The following CLSTN2 variants were observed in gnomAD, a reference collection of about 807,000 sequenced individuals.
The protein encoded by CLSTN2 is calsyntenin-2.
Under a neutral mutation model 101.2 loss-of-function variants are expected in CLSTN2, and 48 were observed. That is an observed-to-expected ratio of 0.47 (90% CI 0.38 to 0.60). CLSTN2 has a LOEUF of 0.60. Among genes scored for constraint, CLSTN2 ranks in the 20% least tolerant of loss-of-function variants. The pLI is 0.00. For missense variants in CLSTN2, 1,160 were observed against 1,238.2 expected (o/e 0.94, Z 0.95); for synonymous variants, 481 against 463.6 (o/e 1.04, Z -0.48).
chr3:140,361,462 A>C (rs2087729194), intron 2 of CLSTN2, among the ~76,000 whole-genome samples: 1 of 152,212 alleles, frequency 6.6e-6, no homozygotes, highest in Non-Finnish European at 1.5e-5. Flanking sequence ...ATTCAACACT[A>C]AACTAGTGAT....
At chr3:140,325,925 T>C (rs959867706) in intron 2 of CLSTN2, among the ~76,000 whole-genome samples, 1 of 152,194 alleles carries the variant, frequency 6.6e-6, no homozygotes, top group African/African-American at 2.4e-5. Flanking sequence ...AGTCTACCCT[T>C]TCTGCAGAAA....
At chr3:140,344,896 G>A (rs549383621) in intron 2 of CLSTN2, among the ~76,000 whole-genome samples, 51 of 152,210 alleles carry the variant, frequency 3.4e-4, no homozygotes, top group African/African-American at 1.2e-3. Flanking sequence ...TGAGGGGATT[G>A]CGACTTCTCT....
At chr3:140,537,863 C>T (rs114247913) in intron 9 of CLSTN2, among the ~76,000 whole-genome samples, 1,733 of 152,258 alleles carry the variant, frequency 0.011, 38 homozygotes, top group African/African-American at 0.04. Flanking sequence ...GGTACTATAA[C>T]CCAGCTGTGC....
At chr3:140,115,574 T>A (rs537008562) in intron 1 of CLSTN2, among the ~76,000 whole-genome samples, 7 of 152,198 alleles carry the variant, frequency 4.6e-5, no homozygotes, top group Non-Finnish European at 8.8e-5. Flanking sequence ...CTGCTTCTGA[T>A]TAGATTTTCT....
intron 2 of CLSTN2, among the ~76,000 whole-genome samples, chr3:140,340,686 C>T (rs544691249): frequency 4.5e-4 from 69 of 152,274 alleles, no homozygotes; most frequent in South Asian, 3.7e-3. Context: ...GATATTTATA[C>T]GTTATTGATA....
At chr3:139,952,179 A>G (rs1413477604) in intron 1 of CLSTN2, among the ~76,000 whole-genome samples, 1 of 152,226 alleles carries the variant, frequency 6.6e-6, no homozygotes, top group African/African-American at 2.4e-5. Context: ...TTTCAGCCCA[A>G]CAGTAACTTC....
At chr3:140,053,087 T>C (rs541181291) in intron 1 of CLSTN2, among the ~76,000 whole-genome samples, 2 of 152,156 alleles carry the variant, frequency 1.3e-5, no homozygotes, top group East Asian at 3.9e-4. Flanking sequence ...CCCTTTGGGC[T>C]CCCTGTCATT....
At chr3:140,278,121 C>T (rs559467214) in intron 2 of CLSTN2, among the ~76,000 whole-genome samples, 15 of 152,186 alleles carry the variant, frequency 9.9e-5, no homozygotes, top group African/African-American at 9.7e-5. Flanking sequence ...AGGGGGCTTA[C>T]GCCTAAACTC....
intron 1 of CLSTN2, among the ~76,000 whole-genome samples, chr3:140,124,098 G>A (rs1449399490): frequency 6.6e-6 from 1 of 152,038 alleles, no homozygotes; most frequent in East Asian, 1.9e-4. Flanking sequence ...AGTAATGTAG[G>A]AAACAGTATG....
intron 9 of CLSTN2, among the ~76,000 whole-genome samples, chr3:140,533,770 A>G (rs936092514): frequency 6.6e-6 from 1 of 151,984 alleles, no homozygotes; most frequent in African/African-American, 2.4e-5. Flanking sequence ...CCATGAGTGA[A>G]CTAGGACTGA....
At chr3:140,080,687 T>C (rs1370884734) in intron 1 of CLSTN2, among the ~76,000 whole-genome samples, 1 of 152,178 alleles carries the variant, frequency 6.6e-6, no homozygotes, top group African/African-American at 2.4e-5. Context: ...CAGTTCAAGC[T>C]ATTTGGCTGT....
chr3:140,075,881 T>C (rs2008479115), intron 1 of CLSTN2, among the ~76,000 whole-genome samples: 1 of 152,064 alleles, frequency 6.6e-6, no homozygotes, highest in Non-Finnish European at 1.5e-5. Context: ...TCTCTTGCCC[T>C]GCAGGTATCT....
chr3:140,411,833 T>C (rs2088367406), intron 4 of CLSTN2, among the ~76,000 whole-genome samples: 1 of 152,204 alleles, frequency 6.6e-6, no homozygotes, highest in South Asian at 2.1e-4. Context: ...GCTTCAATGA[T>C]ACAACCATAG....
At chr3:140,305,097 A>C (rs890460441) in intron 2 of CLSTN2, among the ~76,000 whole-genome samples, 53 of 147,562 alleles carry the variant, frequency 3.6e-4, no homozygotes, top group African/African-American at 1.2e-3. Flanking sequence ...CTCTCTCTCT[A>C]TGGTGATACT....
At chr3:140,046,482 G>A (rs1265765821) in intron 1 of CLSTN2, among the ~76,000 whole-genome samples, 1 of 152,156 alleles carries the variant, frequency 6.6e-6, no homozygotes, top group Non-Finnish European at 1.5e-5. Context: ...GCCAGTCTGT[G>A]TCTTTTAATT....
chr3:140,543,147 AGTT>A (rs897027113), intron 9 of CLSTN2, among the ~76,000 whole-genome samples: 15 of 152,150 alleles, frequency 9.9e-5, no homozygotes, highest in Non-Finnish European at 1.8e-4. Flanking sequence ...AAATGATAGT[AGTT>A]GTTGTTGGAT....
At chr3:140,443,568 AATT>A (rs1346726851) in intron 5 of CLSTN2, among the ~76,000 whole-genome samples, 1 of 152,248 alleles carries the variant, frequency 6.6e-6, no homozygotes, top group African/African-American at 2.4e-5. Context: ...ATTTAGGCCC[AATT>A]ATTAAAACAG....
intron 8 of CLSTN2, among the ~76,000 whole-genome samples, chr3:140,484,332 A>C (rs532392405): frequency 7.9e-5 from 12 of 152,292 alleles, no homozygotes; most frequent in East Asian, 1.9e-4. Context: ...CCAAGAGATC[A>C]GCTGTTAGTC....
At chr3:140,185,642 C>T (rs886167028) in intron 2 of CLSTN2, among the ~76,000 whole-genome samples, 11 of 151,560 alleles carry the variant, frequency 7.3e-5, no homozygotes, top group Admixed American at 2.6e-4. Context: ...AATTGGCTTC[C>T]TGTTTGAATG....
Sources: allele counts gnomAD v4.1 joint callset (sites outside exome capture counted in the v4.1 genomes callset), GRCh38; gene constraint gnomAD v4.1.1; transcripts MANE v1.5; gene names NCBI Gene and HGNC (gene_info 2026-07-23, HGNC 2026-07-21).